Variants in RBMS3 observed in about 807,000 individuals in gnomAD.
The protein encoded by RBMS3 is RNA-binding motif, single-stranded-interacting protein 3.
Under a neutral mutation model 66.8 loss-of-function variants are expected in RBMS3, and 27 were observed. The observed-to-expected ratio is 0.40, with a 90% confidence interval of 0.30 to 0.56. The LOEUF (loss-of-function observed/expected upper bound fraction) is 0.56. Ranked by LOEUF, RBMS3 falls within the 20% of genes least tolerant of loss-of-function variation. The pLI is 0.40. For missense variants in RBMS3, 513 were observed against 549.5 expected (o/e 0.93, Z 0.66); for synonymous variants, 188 against 183.0 (o/e 1.03, Z -0.22).
chr3:29,702,490 C>G (rs1559586480), intron 4 of RBMS3, among the ~76,000 whole-genome samples: 1 of 152,206 alleles, frequency 6.6e-6, no homozygotes, highest in Non-Finnish European at 1.5e-5. Context: ...CCGGGGTCCT[C>G]TTTCACTCTG....
At chr3:29,308,648 G>A (rs2034167162) in intron 1 of RBMS3, among the ~76,000 whole-genome samples, 1 of 149,772 alleles carries the variant, frequency 6.7e-6, no homozygotes, top group African/African-American at 2.5e-5. Context: ...ATAATTTATA[G>A]AATTACATGT....
At chr3:29,523,017 A>G (rs1390471350) in intron 3 of RBMS3, among the ~76,000 whole-genome samples, 3 of 152,258 alleles carry the variant, frequency 2.0e-5, no homozygotes, top group African/African-American at 7.2e-5. Flanking sequence ...TCATTCATAT[A>G]GTAACCTCAT....
intron 4 of RBMS3, among the ~76,000 whole-genome samples, chr3:29,714,995 ATAGTTTT>A (rs1188050352): frequency 5.9e-5 from 9 of 152,110 alleles, no homozygotes; most frequent in African/African-American, 2.2e-4. Context: ...CTCATAGATA[ATAGTTTT>A]AATTTCTTGG....
chr3:29,287,314 T>G (rs541482641), intron 1 of RBMS3, among the ~76,000 whole-genome samples: 22 of 152,242 alleles, frequency 1.4e-4, no homozygotes, highest in African/African-American at 5.3e-4. Flanking sequence ...ATTATTCCCA[T>G]TGAGTACACA....
At chr3:29,425,723 G>T (rs993049872) in intron 1 of RBMS3, among the ~76,000 whole-genome samples, 1 of 152,200 alleles carries the variant, frequency 6.6e-6, no homozygotes, top group Admixed American at 6.5e-5. Flanking sequence ...CTTATTAAGT[G>T]TAAGAATGTT....
chr3:29,861,632 A>G (rs2059219630), intron 6 of RBMS3, among the ~76,000 whole-genome samples: 5 of 152,234 alleles, frequency 3.3e-5, no homozygotes. Flanking sequence ...TAAACAGAAA[A>G]TCAAAATACA....
At chr3:29,985,365 T>A (rs929836719) in intron 12 of RBMS3, among the ~76,000 whole-genome samples, 6 of 151,430 alleles carry the variant, frequency 4.0e-5, no homozygotes, top group South Asian at 2.1e-4. Context: ...AGGGAGTGAA[T>A]GGTTTGTCTC....
intron 3 of RBMS3, among the ~76,000 whole-genome samples, chr3:29,538,777 T>C (rs998552852): frequency 6.6e-6 from 1 of 152,226 alleles, no homozygotes; most frequent in Non-Finnish European, 1.5e-5. Flanking sequence ...GCAGGCAGTA[T>C]CGTGTCAAGC....
intron 1 of RBMS3, among the ~76,000 whole-genome samples, chr3:29,399,497 C>T (rs1015437175): frequency 6.6e-6 from 1 of 152,120 alleles, no homozygotes; most frequent in Non-Finnish European, 1.5e-5. Context: ...GAGACAAATA[C>T]TCTAGGAATG....
At position 30,005,128 on chromosome 3, in the gene RBMS3, G is replaced by T. The variant is rs1233724998; in HGVS notation, c.*1266G>T. 2 of 150,648 alleles carry T rather than the reference G, an allele frequency of 1.3e-5. No homozygotes were observed. Among genetic ancestry groups the T allele is most frequent in the Non-Finnish European group, 3.0e-5 (2 of 67,474 alleles). 9.3% of individuals were successfully genotyped at this position (150,648 alleles called of 1,614,324 possible). ...TAAAAAAAAAAAAATTTATTTGACC[G>T]ACATGGCCGGACCAGTTCTTTCTTT... is the stretch of plus-strand genomic sequence containing the variant. On this transcript the variant is annotated 3_prime_UTR_variant, in exon 15 of 15. Coordinates refer to ENST00000383767, the MANE Select transcript of RBMS3 (RefSeq NM_001003793.3).
rs2054552863 is a variant in RBMS3, at chr3:29,739,785, G to A, written c.465G>A (p.Glu155=). 2 of 1,613,096 alleles carry A rather than the reference G, an allele frequency of 1.2e-6. No homozygotes were observed. Among genetic ancestry groups the A allele is most frequent in the Non-Finnish European group, 1.7e-6 (2 of 1,179,274 alleles). The change falls in exon 5 of 15, where the codon GAG becomes GAA. Residue 155 remains glutamate (E), a synonymous_variant. Coordinates refer to ENST00000383767, the MANE Select transcript of RBMS3 (RefSeq NM_001003793.3). The part of the protein sequence containing the change: ...SNLPISMDEQ[E]LENMLKPFGH... ...TCCCCATTTCTATGGATGAGCAGGA[G>A]CTTGAGAATATGCTGAAACCCTTTG...
Position 29,866,416 on chromosome 3 carries a change from A to G in RBMS3, c.638-2442A>G, listed in dbSNP as rs943379407. ...ACACAAAGCTGCCATCCCTCCTCAC[A>G]AGAAATTGGAACCAGTTTCTTTACA... On this transcript the variant is annotated intron_variant, in intron 6 of 14. Coordinates refer to ENST00000383767, the MANE Select transcript of RBMS3 (RefSeq NM_001003793.3). Among the ~76,000 whole-genome samples the G allele has an allele frequency of 4.6e-5, 7 of 152,324 alleles. No homozygotes were observed. The East Asian group carries it at 1.4e-3, about 29-fold the overall frequency.
chr3:29,426,851 A>C (rs1036040710), intron 1 of RBMS3, among the ~76,000 whole-genome samples: 3 of 149,352 alleles, frequency 2.0e-5, no homozygotes, highest in African/African-American at 7.2e-5. Flanking sequence ...AAAACAAAGA[A>C]TTACTGAATA....
At chr3:29,808,905 T>C (rs1025221815) in intron 6 of RBMS3, among the ~76,000 whole-genome samples, 1 of 151,932 alleles carries the variant, frequency 6.6e-6, no homozygotes, top group Non-Finnish European at 1.5e-5. Context: ...CTTTAAAAGA[T>C]ATTGTAGGAA....
intron 1 of RBMS3, among the ~76,000 whole-genome samples, chr3:29,402,328 G>A (rs7432142): frequency 0.031 from 4,730 of 152,084 alleles, 115 homozygotes; most frequent in Non-Finnish European, 0.047. Flanking sequence ...TAAGCCAAAT[G>A]CACAAACAGC....
intron 3 of RBMS3, among the ~76,000 whole-genome samples, chr3:29,530,826 C>T (rs1471231970): frequency 1.3e-5 from 2 of 150,788 alleles, no homozygotes; most frequent in African/African-American, 4.9e-5. Context: ...GAGCTGAGAT[C>T]GCGCCACTAC....
intron 1 of RBMS3, among the ~76,000 whole-genome samples, chr3:29,366,336 A>G (rs2037901489): frequency 6.6e-6 from 1 of 152,210 alleles, no homozygotes; most frequent in South Asian, 2.1e-4. Context: ...TATAACATGA[A>G]CTTAGAATCC....
At chr3:29,952,931 T>TA (rs1695778690) in intron 12 of RBMS3, among the ~76,000 whole-genome samples, 1 of 151,842 alleles carries the variant, frequency 6.6e-6, no homozygotes, top group African/African-American at 2.4e-5. Flanking sequence ...GAAGATTTGG[T>TA]AAAAATTATT....
intron 1 of RBMS3, among the ~76,000 whole-genome samples, chr3:29,368,559 G>A (rs1294477070): frequency 6.9e-6 from 1 of 145,420 alleles, no homozygotes; most frequent in Non-Finnish European, 1.5e-5. Flanking sequence ...TTCACAAGGA[G>A]CTGTTAAAAA....
Sources: allele counts gnomAD v4.1 joint callset (sites outside exome capture counted in the v4.1 genomes callset), GRCh38; gene constraint gnomAD v4.1.1; transcripts MANE v1.5; gene names NCBI Gene and HGNC (gene_info 2026-07-23, HGNC 2026-07-21).